UGT1A1: variants seen among roughly 807,000 people sequenced by gnomAD.
The protein encoded by UGT1A1 is UDP-glucuronosyltransferase 1A1.
Under a neutral mutation model 40.6 loss-of-function variants are expected in UGT1A1, and 33 were observed. The ratio of observed to expected loss-of-function variants is 0.81; its 90% CI spans 0.62 to 1.09. UGT1A1 has a LOEUF of 1.09. Ranked by LOEUF, UGT1A1 falls within the 50% of genes least tolerant of loss-of-function variation. The probability of loss-of-function intolerance (pLI) is 0.00; values close to 1 mark genes in which losing one functional copy is unlikely to be tolerated. For synonymous variants in UGT1A1, 249 were observed against 265.0 expected (o/e 0.94, Z 0.59); for missense variants, 694 against 671.2 (o/e 1.03, Z -0.38).
Position 233,761,119 on chromosome 2 carries a change from A to T in UGT1A1, c.832A>T (p.Ile278Phe). 6.2e-7 allele frequency: 1 copy of T among 1,614,188 alleles called. No individual in the cohort carries two copies. Among genetic ancestry groups the T allele is most frequent in the African/African-American group, 1.3e-5 (1 of 75,052 alleles). The change falls in exon 1 of 5, where the codon ATC becomes TTC. Residue 278 changes from isoleucine (I) to phenylalanine (F), a missense_variant. Physicochemically the swap from Ile to Phe is conservative, Grantham distance 21 (BLOSUM62 0). Coordinates refer to ENST00000305208, the MANE Select transcript of UGT1A1 (RefSeq NM_000463.3). ...IMPNMVFVGG[I>F]NCLHQNPLSQ... ...GCCCAATATGGTTTTTGTTGGTGGA[A>T]TCAACTGCCTTCACCAAAATCCACT...
At chr2:233,766,541 T>C (rs1699176762) in intron 1 of UGT1A1, among the ~76,000 whole-genome samples, 1 of 152,156 alleles carries the variant, frequency 6.6e-6, no homozygotes, top group Non-Finnish European at 1.5e-5. Context: ...AAAACAAAAA[T>C]GCCTGTCCTC....
At chr2:233,767,317 G>A in intron 2 of UGT1A1, 152 bp downstream of exon 2, 4 of 1,492,088 alleles carry the variant, frequency 2.7e-6, no homozygotes, top group Non-Finnish European at 3.5e-6. Flanking sequence ...TTTTTTTGTT[G>A]TTGTGGTTGT....
chr2:233,761,873 C>T (rs930936969), intron 1 of UGT1A1, among the ~76,000 whole-genome samples: 2 of 152,192 alleles, frequency 1.3e-5, no homozygotes, highest in South Asian at 2.1e-4. Flanking sequence ...TTTCAGAGAG[C>T]GTTCATTCAC....
At chr2:233,771,575 T>A (rs927540192) in intron 4 of UGT1A1, 6 of 152,302 alleles carry the variant, frequency 3.9e-5, no homozygotes, top group African/African-American at 1.4e-4. Context: ...AGGTGGTTGT[T>A]TACAACTTCA....
intron 4 of UGT1A1, chr2:233,770,769 A>G (rs771897694): frequency 2.6e-5 from 4 of 152,220 alleles, no homozygotes; most frequent in Non-Finnish European, 2.9e-5. Flanking sequence ...CATTATAATA[A>G]TGTTTCCAAA....
chr2:233,769,576 T>C lies in UGT1A1; in HGVS notation c.1304+1137T>C. The C allele has an allele frequency of 3.1e-6, 5 of 1,612,860 alleles. No individual in the cohort carries two copies. Among genetic ancestry groups the C allele is most frequent in the Non-Finnish European group, 4.2e-6 (5 of 1,179,860 alleles). ...GACAGATGTGAAGAGCTGGAGCATG[T>C]TCAGATGAGAGGAGACGGAACACGG... On this transcript the variant is annotated intron_variant, in intron 4 of 4. Coordinates refer to ENST00000305208, the MANE Select transcript of UGT1A1 (RefSeq NM_000463.3). The surrounding 1 kb of genome is among the most constrained non-coding windows in gnomAD (Gnocchi z 4.4).
Position 233,772,737 on chromosome 2 carries a change from G to A in UGT1A1, c.*178G>A. ...ATAAAAATAATAGACTCGCTAGTCA[G>A]TAAAGATATTTGAATATGTATCGTG... On this transcript the variant is annotated 3_prime_UTR_variant, in exon 5 of 5. Transcript: ENST00000305208. The A allele has an allele frequency of 7.0e-7, 1 of 1,436,900 alleles. No individual in the cohort carries two copies. Among genetic ancestry groups the A allele is most frequent in the Non-Finnish European group, 9.1e-7 (1 of 1,096,214 alleles). 89.0% of individuals were successfully genotyped at this position (1,436,900 alleles called of 1,614,324 possible). A position where few individuals can be genotyped will look rare whatever the true frequency, so the allele number is the denominator to read the frequency against.
At position 233,769,556 on chromosome 2, in the gene UGT1A1, A is replaced by G. The variant is rs1699895169; in HGVS notation, c.1304+1117A>G. 6.2e-7 allele frequency: 1 copy of G among 1,612,744 alleles called. No individual in the cohort carries two copies. Among genetic ancestry groups the G allele is most frequent in the African/African-American group, 1.3e-5 (1 of 74,934 alleles). On this transcript the variant is annotated intron_variant, in intron 4 of 4. Transcript: ENST00000305208. The surrounding 1 kb of genome is among the most constrained non-coding windows in gnomAD (Gnocchi z 4.4). ...AAAGAAGCAGCAGTCAGGAAGACAG[A>G]TGTGAAGAGCTGGAGCATGTTCAGA...
chr2:233,760,536 C>T lies in UGT1A1; in HGVS notation c.249C>T (p.Phe83=), dbSNP rs2125985634. The T allele has an allele frequency of 1.7e-5, 27 of 1,614,224 alleles. No individual in the cohort carries two copies. Among genetic ancestry groups the T allele is most frequent in the Non-Finnish European group, 2.3e-5 (27 of 1,180,044 alleles). The change falls in exon 1 of 5, where the codon TTC becomes TTT. Residue 83 remains phenylalanine (F), a synonymous_variant. Transcript: ENST00000305208. Reference sequence around the variant, plus strand: ...CCTTGAAGACGTACCCTGTGCCATTCCAAAGGGAGGATGTGAAAGAGTCTT... The same window carrying T: ...CCTTGAAGACGTACCCTGTGCCATTTCAAAGGGAGGATGTGAAAGAGTCTT... ...FYTLKTYPVP[F]QREDVKESFV... is the part of the protein sequence containing the mutation.
chr2:233,767,889 C>T lies in UGT1A1; in HGVS notation c.1037C>T (p.Ala346Val), dbSNP rs201372184. The change falls in exon 3 of 5, where the codon GCG becomes GTG. Residue 346 changes from alanine (A) to valine (V), a missense_variant. Ala to Val is a moderately conservative substitution (Grantham distance 64). Transcript: ENST00000305208. The part of the protein sequence containing the change: ...RYTGTRPSNL[A>V]NNTILVKWLP... Reference sequence around the variant, plus strand: ...ACTGGAACCCGACCATCGAATCTTGCGAACAACACGATACTTGTTAAGTGG... The same window carrying T: ...ACTGGAACCCGACCATCGAATCTTGTGAACAACACGATACTTGTTAAGTGG... 8.3e-5 allele frequency: 134 copies of T among 1,614,018 alleles called. No homozygotes were observed. Among genetic ancestry groups the T allele is most frequent in the Middle Eastern group, 1.6e-4 (1 of 6,084 alleles).
chr2:233,769,592 C>T lies in UGT1A1; in HGVS notation c.1304+1153C>T, dbSNP rs199786512. ...TGGAGCATGTTCAGATGAGAGGAGA[C>T]GGAACACGGGGACACACCAGCTTGA... On this transcript the variant is annotated intron_variant, in intron 4 of 4. Transcript: ENST00000305208. This position sits in a 1 kb window ranked among gnomAD's most constrained non-coding sequence, Gnocchi z 4.4. The T allele has an allele frequency of 1.8e-3, 2,836 of 1,612,822 alleles. 7 individuals carry two copies. The highest frequency in any genetic ancestry group is 2.6e-3 in the Middle Eastern group (16 of 6,052).
Position 233,772,824 on chromosome 2 carries a change from C to A in UGT1A1, c.*265C>A. On this transcript the variant is annotated 3_prime_UTR_variant, in exon 5 of 5. Coordinates refer to ENST00000305208, the MANE Select transcript of UGT1A1 (RefSeq NM_000463.3). ...ATTTTTCAGAGGACGTGCAGACAGG[C>A]TGGCATTCTAGATTACTTTTCTTAC... 3 of 955,748 alleles carry A rather than the reference C, an allele frequency of 3.1e-6. No individual in the cohort carries two copies. The highest frequency in any genetic ancestry group is 2.9e-6 in the Non-Finnish European group (2 of 693,186). 59.2% of individuals were successfully genotyped at this position (955,748 alleles called of 1,614,324 possible).
At chr2:233,768,519 GC>G (rs1699633874) in intron 4 of UGT1A1, 80 bp downstream of exon 4, 1 of 1,531,284 alleles carries the variant, frequency 6.5e-7, no homozygotes, top group East Asian at 2.5e-5. Flanking sequence ...CATTTACGTA[GC>G]ATTTAATAGC....
rs1700524777 is a variant in UGT1A1, at chr2:233,772,469, C to T, written c.1512C>T (p.Phe504=). ...FLLAVVLTVA[F]ITFKCCAYGY... ...TGGCCGTCGTGCTGACAGTGGCCTTCATCACCTTTAAATGTTGTGCTTATG... is the reference window on the plus strand; with the variant it reads ...TGGCCGTCGTGCTGACAGTGGCCTTTATCACCTTTAAATGTTGTGCTTATG... Residue 504 remains phenylalanine (F), a synonymous_variant, in exon 5 of 5, where the codon TTC becomes TTT. Coordinates refer to ENST00000305208, the MANE Select transcript of UGT1A1 (RefSeq NM_000463.3). 12 of 1,614,144 alleles carry T rather than the reference C, an allele frequency of 7.4e-6. No homozygotes were observed. The highest frequency in any genetic ancestry group is 1.0e-5 in the Non-Finnish European group (12 of 1,180,034).
At chr2:233,764,775 G>T (rs1470259138) in intron 1 of UGT1A1, among the ~76,000 whole-genome samples, 1 of 152,162 alleles carries the variant, frequency 6.6e-6, no homozygotes, top group Non-Finnish European at 1.5e-5. Flanking sequence ...AAGGAGTTCA[G>T]AAAAACCATC....
rs1367170822 is a variant in UGT1A1 at position 233,772,461 on chromosome 2, GT to G, written c.1505del (p.Val502GlyfsTer43). The G allele has an allele frequency of 6.2e-7, 1 of 1,614,184 alleles. No individual in the cohort carries two copies. Among genetic ancestry groups the G allele is most frequent in the Non-Finnish European group, 8.5e-7 (1 of 1,180,040 alleles). On this transcript the variant is annotated frameshift_variant, in exon 5 of 5. Coordinates refer to ENST00000305208, the MANE Select transcript of UGT1A1 (RefSeq NM_000463.3). LOFTEE classifies it high-confidence loss of function. The stretch of plus-strand genomic sequence containing the variant: ...TTTCCTCTTGGCCGTCGTGCTGACA[GT>G]GGCCTTCATCACCTTTAAATGTTGT... ...IGFLLAVVLT[V>X]AFITFKCCAY...
In UGT1A1 at chr2:233,767,782, A is replaced by G. The variant is rs1404728252; in HGVS notation, c.997-67A>G. The G allele has an allele frequency of 3.7e-6, 6 of 1,613,376 alleles. No individual in the cohort carries two copies. In the African/African-American group the frequency reaches 4.0e-5, roughly 11 times the overall value. ...AGAGGACCCCTGTTTTCTAGTTAGT[A>G]TAGCAGATTTGTTTTCTAATCATAT... is the stretch of plus-strand genomic sequence containing the variant. On this transcript the variant is annotated intron_variant, in intron 2 of 4. Coordinates refer to ENST00000305208, the MANE Select transcript of UGT1A1 (RefSeq NM_000463.3).
intron 4 of UGT1A1, chr2:233,771,470 T>C (rs1389058308): frequency 2.0e-5 from 3 of 152,260 alleles, no homozygotes; most frequent in African/African-American, 7.2e-5. Context: ...TCATGCTAAA[T>C]CTAGCACCCA....
At chr2:233,768,463 T>C (rs372004705) in intron 4 of UGT1A1, 24 bp downstream of exon 4, 2 of 1,607,816 alleles carry the variant, frequency 1.2e-6, no homozygotes, top group African/African-American at 2.7e-5. Flanking sequence ...TACAGAAGAA[T>C]ACTTTGGTCA....
Sources: allele counts gnomAD v4.1 joint callset (sites outside exome capture counted in the v4.1 genomes callset), GRCh38; gene constraint gnomAD v4.1.1; non-coding constraint Gnocchi (gnomAD v3.1); transcripts MANE v1.5; gene names NCBI Gene and HGNC (gene_info 2026-07-23, HGNC 2026-07-21).